Variants in SIRT2 observed in about 807,000 individuals in gnomAD.
SIRT2 encodes NAD-dependent protein deacetylase sirtuin-2.
Under a neutral mutation model 57.4 loss-of-function variants are expected in SIRT2, and 40 were observed. That is an observed-to-expected ratio of 0.70 (90% CI 0.54 to 0.91). The LOEUF is 0.91. SIRT2 is among the 40% of genes least tolerant of loss of function. The pLI is 0.00. For missense variants in SIRT2, 439 were observed against 510.4 expected (o/e 0.86, Z 1.35); for synonymous variants, 161 against 195.7 (o/e 0.82, Z 1.48).
chr19:38,893,792 T>G, intron 3 of SIRT2, 27 bp downstream of exon 3: 7 of 1,612,148 alleles, frequency 4.3e-6, no homozygotes, highest in Non-Finnish European at 5.9e-6. Flanking sequence ...AGAACCCTGC[T>G]CCCTGTCCCT....
chr19:38,887,595 G>A (rs1208131742), intron 8 of SIRT2, among the ~76,000 whole-genome samples: 5 of 152,088 alleles, frequency 3.3e-5, no homozygotes, highest in African/African-American at 1.2e-4. Flanking sequence ...CCTCCTACCA[G>A]CCCCAGGTGG....
At position 38,898,421 on chromosome 19, in the gene SIRT2, A is replaced by G; in HGVS notation, c.21T>C (p.Ser7=). The G allele has an allele frequency of 6.5e-7, 1 of 1,545,854 alleles. No individual in the cohort carries two copies. Among genetic ancestry groups the G allele is most frequent in the Non-Finnish European group, 8.8e-7 (1 of 1,137,052 alleles). The part of the protein sequence containing the change: MAEPDP[S]HPLETQAGKV... ...TCCCTGCCTGGGTCTCCAGAGGGTG[A>G]GAGGCTGGGGGAGGGGAGCAGAGGT... is the stretch of plus-strand genomic sequence containing the variant. The change falls in exon 2 of 16, where the codon TCT becomes TCC. Residue 7 remains serine (S), a synonymous_variant. Transcript: ENST00000249396.
intron 2 of SIRT2, among the ~76,000 whole-genome samples, chr19:38,896,007 G>A (rs1157993255): frequency 6.6e-6 from 1 of 152,136 alleles, no homozygotes; most frequent in African/African-American, 2.4e-5. Context: ...GGGAGGTGGA[G>A]GTTGCAGTCA....
rs748569574 is a variant in SIRT2 at position 38,889,147 on chromosome 19, G to T, written c.441C>A (p.Ile147=). 6.2e-7 allele frequency: 1 copy of T among 1,613,138 alleles called. No homozygotes were observed. The highest frequency in any genetic ancestry group is 1.1e-5 in the South Asian group (1 of 91,084). ...ELYPGQFKPT[I]CHYFMRLLKD... The stretch of plus-strand genomic sequence containing the variant: ...TCAGCAGGCGCATGAAGTAGTGACA[G>T]ATGGTTGGCTGCAGGGAAGAGCGAC... The change falls in exon 8 of 16, where the codon ATC becomes ATA. Residue 147 remains isoleucine, a synonymous_variant. Transcript: ENST00000249396.
chr19:38,885,332 T>C (rs866574247), intron 8 of SIRT2, among the ~76,000 whole-genome samples: 4 of 152,080 alleles, frequency 2.6e-5, no homozygotes, highest in Non-Finnish European at 5.9e-5. Context: ...CTTGAACTCC[T>C]GGGCTCAAGT....
Position 38,890,083 on chromosome 19 carries a change from G to C in SIRT2, c.268+20C>G. Reference sequence around the variant, plus strand: ...TCCCCAGTTCCTGGGGGTAGCTGCTGGGGGAGAAGGGTTACTTACATGTGG... The same window carrying C: ...TCCCCAGTTCCTGGGGGTAGCTGCTCGGGGAGAAGGGTTACTTACATGTGG... On this transcript the variant is annotated intron_variant, in intron 5 of 15. Transcript: ENST00000249396. The C allele has an allele frequency of 1.2e-6, 2 of 1,614,104 alleles. No homozygotes were observed. The highest frequency in any genetic ancestry group is 1.1e-5 in the South Asian group (1 of 91,080).
Position 38,884,458 on chromosome 19 carries a change from T to G in SIRT2, c.502-702A>C, listed in dbSNP as rs527416376. Among the ~76,000 whole-genome samples, 57 of 151,662 alleles carry G rather than the reference T, an allele frequency of 3.8e-4. No individual in the cohort carries two copies. The East Asian group carries it at 9.0e-3, about 24-fold the overall frequency. On this transcript the variant is annotated intron_variant, in intron 8 of 15. Coordinates refer to ENST00000249396, the MANE Select transcript of SIRT2 (RefSeq NM_012237.4). ...GTGGTTTGTTTGTTTGTTTGTTTGT[T>G]TGTTTTTTGAGATGGAGTCTTGCTC...
intron 4 of SIRT2, among the ~76,000 whole-genome samples, chr19:38,890,405 G>C (rs1475527447): frequency 1.3e-5 from 2 of 152,356 alleles, no homozygotes; most frequent in Middle Eastern, 6.8e-3. Flanking sequence ...AGAATCCAGT[G>C]TTGGGCTGGG....
intron 8 of SIRT2, among the ~76,000 whole-genome samples, chr19:38,887,574 G>A (rs529370492): frequency 6.6e-6 from 1 of 152,070 alleles, no homozygotes; most frequent in Non-Finnish European, 1.5e-5. Flanking sequence ...GGAGGCCTCC[G>A]CTGCCCTCTG....
chr19:38,879,404 A>T (rs757568503), intron 15 of SIRT2, 30 bp downstream of exon 15: 1 of 1,591,006 alleles, frequency 6.3e-7, no homozygotes, highest in African/African-American at 1.3e-5. Context: ...GATGGGGCTC[A>T]GGACAGGCTG....
intron 7 of SIRT2, 95 bp downstream of exon 7, chr19:38,889,594 T>A: frequency 7.1e-7 from 1 of 1,399,196 alleles, no homozygotes; most frequent in South Asian, 1.2e-5. Flanking sequence ...ACTTAATGGC[T>A]ACATAATATT....
At chr19:38,884,152 T>C (rs1467532536) in intron 8 of SIRT2, among the ~76,000 whole-genome samples, 2 of 150,446 alleles carry the variant, frequency 1.3e-5, no homozygotes, top group South Asian at 4.2e-4. Context: ...TAAATATCTA[T>C]GAGGCCAGGC....
Position 38,899,478 on chromosome 19 carries a change from G to A in SIRT2, c.16+28C>T, listed in dbSNP as rs201963521. ...ATTCAGCCAGGCCCCGGCGCGGCCCGACCCTCCTACCCGGATCCCCGACTC... is the reference window on the plus strand; with the variant it reads ...ATTCAGCCAGGCCCCGGCGCGGCCCAACCCTCCTACCCGGATCCCCGACTC... On this transcript the variant is annotated intron_variant, in intron 1 of 15. Transcript: ENST00000249396. 300 of 1,611,978 alleles carry A rather than the reference G, an allele frequency of 1.9e-4. No individual in the cohort carries two copies. The African/African-American group carries it at 3.4e-3, about 18-fold the overall frequency.
Position 38,879,520 on chromosome 19 carries a change from C to G in SIRT2, c.948-20G>C. 1 of 1,595,904 alleles carries G rather than the reference C, an allele frequency of 6.3e-7. No homozygotes were observed. The highest frequency in any genetic ancestry group is 8.5e-7 in the Non-Finnish European group (1 of 1,171,090). On this transcript the variant is annotated intron_variant, in intron 14 of 15. Coordinates refer to ENST00000249396, the MANE Select transcript of SIRT2 (RefSeq NM_012237.4). ...ACGTCCCTGCGGTGCAGCAGGAGAT[C>G]AGAGTTCCCAGGCGGGCTCGCCCCT...
In SIRT2 at chr19:38,890,108, G is replaced by T; in HGVS notation, c.263C>A (p.Ser88Tyr). ...RVICLVGAGI[S>Y]TSAGIPDFRS... Reference sequence around the variant, plus strand: ...GGGGGAGAAGGGTTACTTACATGTGGAGATTCCAGCTCCCACCAAACAGAT... The same window carrying T: ...GGGGGAGAAGGGTTACTTACATGTGTAGATTCCAGCTCCCACCAAACAGAT... The change falls in exon 5 of 16, where the codon TCC (serine) becomes TAC (tyrosine). Residue 88 changes from serine to tyrosine, a missense_variant. Physicochemically the swap from Ser to Tyr is moderately radical, Grantham distance 144. Transcript: ENST00000249396. 1 of 1,614,200 alleles carries T rather than the reference G, an allele frequency of 6.2e-7. No homozygotes were observed. The highest frequency in any genetic ancestry group is 8.5e-7 in the Non-Finnish European group (1 of 1,180,026).
rs567611454 is a variant in SIRT2 at position 38,895,237 on chromosome 19, G to C, written c.64-1370C>G. Among the ~76,000 whole-genome samples, 20 of 152,174 alleles carry C rather than the reference G, an allele frequency of 1.3e-4. No individual in the cohort carries two copies. In the South Asian group the frequency reaches 3.7e-3, roughly 28 times the overall value. ...CTCCTCCCCCAGCCTCCCAGCCTCA[G>C]TCTCCACCTCCCATCCACCCTGCTG... is the stretch of plus-strand genomic sequence containing the variant. On this transcript the variant is annotated intron_variant, in intron 2 of 15. Transcript: ENST00000249396.
chr19:38,883,278 G>A (rs1218248235), intron 9 of SIRT2, among the ~76,000 whole-genome samples: 2 of 150,906 alleles, frequency 1.3e-5, no homozygotes, highest in Admixed American at 6.6e-5. Flanking sequence ...TAGTAGAAAC[G>A]GGGTTTCACC....
chr19:38,885,592 A>G (rs373144513), intron 8 of SIRT2, among the ~76,000 whole-genome samples: 1 of 122,476 alleles, frequency 8.2e-6, no homozygotes, highest in South Asian at 2.7e-4. Flanking sequence ...ATGCGTGGCT[A>G]TTTTTTTTTT....
chr19:38,889,829 A>T, intron 6 of SIRT2, 26 bp downstream of exon 6: 1 of 1,613,198 alleles, frequency 6.2e-7, no homozygotes, highest in Non-Finnish European at 8.5e-7. Context: ...CCCCTCACAG[A>T]CGCCCCTTCC....
Sources: gnomAD v4.1 joint callset for allele counts (sites outside exome capture counted in the v4.1 genomes callset) on GRCh38, gnomAD v4.1.1 for gene constraint, MANE v1.5 for transcripts, NCBI Gene and HGNC (gene_info 2026-07-23, HGNC 2026-07-21) for gene names.